The following ZHX2 variants were observed in gnomAD, a reference collection of about 807,000 sequenced individuals.
ZHX2 encodes zinc fingers and homeoboxes protein 2.
In ZHX2, 6 loss-of-function variants were observed where a neutral mutation model predicts 21.9. That is an observed-to-expected ratio of 0.27 (90% CI 0.15 to 0.54). The LOEUF (loss-of-function observed/expected upper bound fraction) is 0.54, where lower values mean the gene tolerates loss of function less well. Among genes scored for constraint, ZHX2 ranks in the 20% least tolerant of loss-of-function variants. The pLI is 0.95. For missense variants in ZHX2, 908 were observed against 1,090.7 expected (o/e 0.83, Z 2.36); for synonymous variants, 434 against 437.1 (o/e 0.99, Z 0.09).
chr8:122,862,167 C>T (rs1423815067), intron 1 of ZHX2, among the ~76,000 whole-genome samples: 3 of 152,166 alleles, frequency 2.0e-5, no homozygotes, highest in Non-Finnish European at 4.4e-5. Context: ...TTCCAGGACT[C>T]CAGTCACCCA....
intron 2 of ZHX2, among the ~76,000 whole-genome samples, chr8:122,908,087 G>A (rs1214217608): frequency 6.6e-6 from 1 of 152,184 alleles, no homozygotes; most frequent in Non-Finnish European, 1.5e-5. Context: ...CTCCGTGGAT[G>A]AAATTGGAAT....
In ZHX2 at chr8:122,890,119, T is replaced by C. The variant is rs908944084; in HGVS notation, c.-220+26580T>C. Among the ~76,000 whole-genome samples, 5 of 152,276 alleles carry C rather than the reference T, an allele frequency of 3.3e-5. No homozygotes were observed. In the East Asian group the frequency reaches 9.6e-4, roughly 29 times the overall value. ...TTACATTTGTATCTTAAATCCACTT[T>C]GAGTTGATTTTTATATACAGTGAGA... is the stretch of plus-strand genomic sequence containing the variant. On this transcript the variant is annotated intron_variant, in intron 2 of 3. Coordinates refer to ENST00000314393, the MANE Select transcript of ZHX2 (RefSeq NM_014943.5).
At chr8:122,868,430 C>G (rs1020895943) in intron 2 of ZHX2, among the ~76,000 whole-genome samples, 1 of 151,950 alleles carries the variant, frequency 6.6e-6, no homozygotes, top group Non-Finnish European at 1.5e-5. Context: ...GGAAGATCAC[C>G]TGAACCCAAG....
intron 2 of ZHX2, among the ~76,000 whole-genome samples, chr8:122,931,095 C>A (rs1196298533): frequency 6.6e-6 from 1 of 152,168 alleles, no homozygotes; most frequent in African/African-American, 2.4e-5. Context: ...GCCTTGATAC[C>A]TCTCTGATCC....
At chr8:122,970,938 A>G in intron 3 of ZHX2, among the ~76,000 whole-genome samples, 1 of 152,236 alleles carries the variant, frequency 6.6e-6, no homozygotes, top group South Asian at 2.1e-4. Context: ...GAGGCTGTGC[A>G]TGACCTGGAC....
intron 3 of ZHX2, among the ~76,000 whole-genome samples, chr8:122,961,174 C>T (rs1292904087): frequency 2.0e-5 from 3 of 152,224 alleles, no homozygotes; most frequent in African/African-American, 4.8e-5. Context: ...GGCCTCTCTT[C>T]GTAGCTTGCC....
At chr8:122,899,755 G>A (rs1359246965) in intron 2 of ZHX2, among the ~76,000 whole-genome samples, 1 of 152,180 alleles carries the variant, frequency 6.6e-6, no homozygotes, top group Non-Finnish European at 1.5e-5. Flanking sequence ...TTTCAAGTAG[G>A]AAACAACTAA....
chr8:122,928,166 ACTCC>A (rs1563588196), intron 2 of ZHX2, among the ~76,000 whole-genome samples: 1 of 151,610 alleles, frequency 6.6e-6, no homozygotes, highest in East Asian at 1.9e-4. Context: ...TATCTCCCCC[ACTCC>A]CACCAGGACA....
chr8:122,896,247 G>A (rs1403545665), intron 2 of ZHX2, among the ~76,000 whole-genome samples: 1 of 150,570 alleles, frequency 6.6e-6, no homozygotes, highest in Non-Finnish European at 1.5e-5. Context: ...TTTCTTAAGG[G>A]CATATTGTTT....
At chr8:122,844,475 C>T (rs1241961229) in intron 1 of ZHX2, among the ~76,000 whole-genome samples, 1 of 152,176 alleles carries the variant, frequency 6.6e-6, no homozygotes, top group Non-Finnish European at 1.5e-5. Flanking sequence ...ATAAAAGTAT[C>T]CCTGCAGTCT....
intron 1 of ZHX2, among the ~76,000 whole-genome samples, chr8:122,820,300 G>A (rs1818116087): frequency 6.6e-6 from 1 of 152,186 alleles, no homozygotes. Context: ...CTGCCTTTCT[G>A]ACTGGCCAGG....
chr8:122,894,176 G>A (rs1284325110), intron 2 of ZHX2, among the ~76,000 whole-genome samples: 1 of 152,256 alleles, frequency 6.6e-6, no homozygotes, highest in Non-Finnish European at 1.5e-5. Flanking sequence ...ATGCCAGGCA[G>A]GCTGATGCTT....
At chr8:122,968,609 C>T (rs1039608579) in intron 3 of ZHX2, among the ~76,000 whole-genome samples, 2 of 152,088 alleles carry the variant, frequency 1.3e-5, no homozygotes, top group African/African-American at 2.4e-5. Context: ...GAGGCCAAGG[C>T]GGGTGGGTTA....
intron 2 of ZHX2, among the ~76,000 whole-genome samples, chr8:122,891,818 G>A (rs748697792): frequency 3.3e-5 from 5 of 152,128 alleles, no homozygotes; most frequent in South Asian, 2.1e-4. Context: ...TAAACTTATC[G>A]AGAGTTGTTT....
In ZHX2 at chr8:122,876,640, C is replaced by T. The variant is rs116634379; in HGVS notation, c.-220+13101C>T. ...ACTTTTTTAATGCAGAATGTCACAACGGCTCCACGAGGACGGGGTAGCGTG... is the reference window on the plus strand; with the variant it reads ...ACTTTTTTAATGCAGAATGTCACAATGGCTCCACGAGGACGGGGTAGCGTG... On this transcript the variant is annotated intron_variant, in intron 2 of 3. Coordinates refer to ENST00000314393, the MANE Select transcript of ZHX2 (RefSeq NM_014943.5). Among the ~76,000 whole-genome samples, 947 of 152,294 alleles carry T rather than the reference C, an allele frequency of 6.2e-3. 15 individuals are homozygous for T. Among genetic ancestry groups the T allele is most frequent in the Middle Eastern group, 0.031 (9 of 294 alleles).
chr8:122,963,201 C>A (rs1308114142), intron 3 of ZHX2, among the ~76,000 whole-genome samples: 1 of 151,964 alleles, frequency 6.6e-6, no homozygotes, highest in Non-Finnish European at 1.5e-5. Context: ...TTGCCTAGGC[C>A]AATGTCTAGA....
chr8:122,796,470 G>A (rs1817614687), intron 1 of ZHX2, among the ~76,000 whole-genome samples: 1 of 152,190 alleles, frequency 6.6e-6, no homozygotes, highest in Non-Finnish European at 1.5e-5. Flanking sequence ...GCCATCTTGT[G>A]TAATAGGAAA....
At chr8:122,914,539 G>C (rs62521601) in intron 2 of ZHX2, among the ~76,000 whole-genome samples, 39 of 152,182 alleles carry the variant, frequency 2.6e-4, no homozygotes, top group Non-Finnish European at 5.0e-4. Flanking sequence ...TGCTCGCCCT[G>C]TCCCTGGTTC....
intron 2 of ZHX2, among the ~76,000 whole-genome samples, chr8:122,864,553 A>G (rs1819240469): frequency 6.6e-6 from 1 of 152,060 alleles, no homozygotes; most frequent in Non-Finnish European, 1.5e-5. Flanking sequence ...CTGGCTAGTC[A>G]TGTCATCAAG....
Sources: allele counts gnomAD v4.1 joint callset (sites outside exome capture counted in the v4.1 genomes callset), GRCh38; gene constraint gnomAD v4.1.1; transcripts MANE v1.5; gene names NCBI Gene and HGNC (gene_info 2026-07-23, HGNC 2026-07-21).